The following ADGRL2 variants were observed in gnomAD, a reference collection of about 807,000 sequenced individuals.
The protein encoded by ADGRL2 is calcium-independent alpha-latrotoxin receptor 2.
ADGRL2 carries 44 observed loss-of-function variants against 157.4 expected under a neutral mutation model. The ratio of observed to expected loss-of-function variants is 0.28; its 90% CI spans 0.22 to 0.36. The LOEUF is 0.36. Ranked by LOEUF, ADGRL2 falls within the 10% of genes least tolerant of loss-of-function variation. ADGRL2 has a pLI of 1.00. For missense variants in ADGRL2, 1,510 were observed against 1,768.9 expected, an observed-to-expected ratio of 0.85 and a Z score of 2.63; for synonymous variants, 585 against 624.7, an observed-to-expected ratio of 0.94 and a Z score of 0.95.
chr1:81,750,280 G>A (rs2085447076), intron 1 of ADGRL2, among the ~76,000 whole-genome samples: 1 of 152,214 alleles, frequency 6.6e-6, no homozygotes, highest in Non-Finnish European at 1.5e-5. Context: ...AATAGGCTGA[G>A]CAGAGCATCT....
At chr1:81,327,908 T>C (rs985988377) in intron 1 of ADGRL2, among the ~76,000 whole-genome samples, 3 of 152,174 alleles carry the variant, frequency 2.0e-5, no homozygotes, top group African/African-American at 7.2e-5. Flanking sequence ...TGAGCTATTA[T>C]CTTGCTCTGC....
At chr1:81,607,153 T>C (rs1425143610) in intron 3 of ADGRL2, among the ~76,000 whole-genome samples, 2 of 152,222 alleles carry the variant, frequency 1.3e-5, no homozygotes, top group Non-Finnish European at 2.9e-5. Context: ...TGAGTTACTA[T>C]GACTGTTAGT....
In ADGRL2 at chr1:81,969,115, T is replaced by TG; in HGVS notation, c.2524-62dup. ...AAAGATGAGCTGTACATGTGAAAGC[T>TG]GTCTTTCTTCTAGTTGATGTAATGC... On this transcript the variant is annotated intron_variant, in intron 14 of 23. Transcript: ENST00000686636. 9 of 1,167,302 alleles carry TG rather than the reference T, an allele frequency of 7.7e-6. No homozygotes were observed. The Admixed American group carries it at 1.6e-4, about 20-fold the overall frequency. 72.3% of individuals were successfully genotyped at this position (1,167,302 alleles called of 1,614,324 possible).
At chr1:81,563,623 CTT>C (rs200916602) in intron 2 of ADGRL2, among the ~76,000 whole-genome samples, 4 of 152,034 alleles carry the variant, frequency 2.6e-5, no homozygotes, top group Non-Finnish European at 4.4e-5. Context: ...AAAACTCACT[CTT>C]TTTTTGTTTT....
intron 2 of ADGRL2, among the ~76,000 whole-genome samples, chr1:81,481,470 C>A (rs1002869664): frequency 1.3e-5 from 2 of 152,170 alleles, no homozygotes; most frequent in African/African-American, 4.8e-5. Flanking sequence ...TGAGATGTGG[C>A]CCTCGGCGCA....
At chr1:81,659,043 C>T (rs1262495122) in intron 3 of ADGRL2, among the ~76,000 whole-genome samples, 1 of 148,254 alleles carries the variant, frequency 6.7e-6, no homozygotes, top group Non-Finnish European at 1.5e-5. Flanking sequence ...TGAGCCACCA[C>T]ACCCAGCAAT....
chr1:81,461,920 A>G (rs2077936814), intron 2 of ADGRL2, among the ~76,000 whole-genome samples: 1 of 73,872 alleles, frequency 1.4e-5, no homozygotes, highest in African/African-American at 4.9e-5. Context: ...AAGAAGGAAG[A>G]AAAGAAGAAA....
At chr1:81,834,985 A>G (rs1358559170) in intron 1 of ADGRL2, among the ~76,000 whole-genome samples, 1 of 152,020 alleles carries the variant, frequency 6.6e-6, no homozygotes, top group East Asian at 1.9e-4. Context: ...TTTTCCCTTC[A>G]CGAACAGAGG....
chr1:81,758,068 TC>T (rs1332114896), intron 1 of ADGRL2, among the ~76,000 whole-genome samples: 2 of 152,204 alleles, frequency 1.3e-5, no homozygotes, highest in Non-Finnish European at 2.9e-5. Flanking sequence ...TTTATAACCT[TC>T]AAATTGGTTA....
At chr1:81,915,253 GT>G (rs1156779902) in intron 3 of ADGRL2, among the ~76,000 whole-genome samples, 1 of 151,890 alleles carries the variant, frequency 6.6e-6, no homozygotes, top group East Asian at 1.9e-4. Context: ...TTTTTGAAAA[GT>G]TTTTTTACAG....
chr1:81,613,454 G>A (rs1205007906), intron 3 of ADGRL2, among the ~76,000 whole-genome samples: 2 of 152,148 alleles, frequency 1.3e-5, no homozygotes, highest in African/African-American at 4.8e-5. Context: ...AGATAACCCA[G>A]AAGAGAGAAA....
chr1:81,905,875 G>T (rs2094573518), intron 2 of ADGRL2, among the ~76,000 whole-genome samples: 2 of 151,616 alleles, frequency 1.3e-5, no homozygotes, highest in South Asian at 4.2e-4. Flanking sequence ...AATAAATATG[G>T]TACTACTAGT....
chr1:81,591,015 A>G (rs2148588070), intron 3 of ADGRL2, among the ~76,000 whole-genome samples: 1 of 152,256 alleles, frequency 6.6e-6, no homozygotes, highest in Admixed American at 6.5e-5. Context: ...TGGAGTGTGT[A>G]ACTCATTTCC....
intron 1 of ADGRL2, among the ~76,000 whole-genome samples, chr1:81,814,006 C>T (rs1215397211): frequency 1.3e-5 from 2 of 151,636 alleles, no homozygotes; most frequent in Non-Finnish European, 3.0e-5. Context: ...TTTTAAAATA[C>T]TGAAATCTGA....
intron 3 of ADGRL2, among the ~76,000 whole-genome samples, chr1:81,674,031 C>A (rs1195871974): frequency 1.3e-5 from 2 of 152,060 alleles, no homozygotes; most frequent in African/African-American, 4.8e-5. Context: ...TGAGTCCTGG[C>A]AACATTTCAA....
chr1:81,831,032 G>A (rs2091908483), intron 1 of ADGRL2, among the ~76,000 whole-genome samples: 2 of 152,114 alleles, frequency 1.3e-5, no homozygotes, highest in Admixed American at 6.5e-5. Flanking sequence ...AGTGCAGTGA[G>A]CCAAACATAA....
At chr1:81,416,843 T>C (rs752453399) in intron 1 of ADGRL2, among the ~76,000 whole-genome samples, 30 of 152,168 alleles carry the variant, frequency 2.0e-4, no homozygotes, top group Non-Finnish European at 3.2e-4. Context: ...TACTGAAAGT[T>C]GTCCATTCTT....
chr1:81,413,029 G>A (rs1390381162), intron 1 of ADGRL2, among the ~76,000 whole-genome samples: 1 of 151,860 alleles, frequency 6.6e-6, no homozygotes, highest in Non-Finnish European at 1.5e-5. Flanking sequence ...TTTTTGTTAT[G>A]CATATATCAA....
intron 2 of ADGRL2, among the ~76,000 whole-genome samples, chr1:81,473,662 C>T (rs115077901): frequency 0.022 from 3,279 of 152,220 alleles, 54 homozygotes; most frequent in South Asian, 0.042. Context: ...ACCTATCACC[C>T]GTCTCCAGGT....
Sources: allele counts gnomAD v4.1 joint callset (sites outside exome capture counted in the v4.1 genomes callset), GRCh38; gene constraint gnomAD v4.1.1; transcripts MANE v1.5; gene names NCBI Gene and HGNC (gene_info 2026-07-23, HGNC 2026-07-21).